FNIP2: variants seen among roughly 807,000 people sequenced by gnomAD.
FNIP2 encodes folliculin interacting protein 2, also known as folliculin-interacting protein 2.
A neutral mutation model predicts 108.7 loss-of-function variants in FNIP2; 32 were observed. The ratio of observed to expected loss-of-function variants is 0.29; its 90% confidence interval spans 0.22 to 0.40. The LOEUF is 0.40. Among genes scored for constraint, FNIP2 ranks in the 10% least tolerant of loss-of-function variants. FNIP2 has a pLI of 1.00. For synonymous variants in FNIP2, 480 were observed against 496.7 expected (o/e 0.97, Z 0.45); for missense variants, 1,202 against 1,381.6 (o/e 0.87, Z 2.06).
intron 6 of FNIP2, chr4:158,834,728 A>G (rs571220414): frequency 1.3e-5 from 2 of 152,350 alleles, no homozygotes; most frequent in South Asian, 2.1e-4. Context: ...CACAATAAGT[A>G]TACAGCTTAG....
rs1729938818 is a variant in FNIP2, at chr4:158,907,472, T to C, written c.*2928T>C. 2 of 152,210 alleles carry C rather than the reference T, an allele frequency of 1.3e-5. No individual in the cohort carries two copies. Among genetic ancestry groups the C allele is most frequent in the Non-Finnish European group, 2.9e-5 (2 of 68,036 alleles). 9.4% of individuals were successfully genotyped at this position (152,210 alleles called of 1,614,324 possible). A position where few individuals can be genotyped will look rare whatever the true frequency, so the allele number is the denominator to read the frequency against. The stretch of plus-strand genomic sequence containing the variant: ...CCGCTTGCTAAATGATACTAAACCG[T>C]TGTTTGGGCTCTTATAATTAGGTCC... On this transcript the variant is annotated 3_prime_UTR_variant, in exon 17 of 17. Transcript: ENST00000264433.
intron 1 of FNIP2, among the ~76,000 whole-genome samples, chr4:158,822,782 G>A (rs1777955106): frequency 6.6e-6 from 1 of 152,158 alleles, no homozygotes; most frequent in Non-Finnish European, 1.5e-5. Flanking sequence ...TTACAGGTAC[G>A]AGCCACTGTG....
At chr4:158,856,513 C>G (rs1235649983) in intron 8 of FNIP2, among the ~76,000 whole-genome samples, 2 of 152,106 alleles carry the variant, frequency 1.3e-5, no homozygotes, top group Non-Finnish European at 2.9e-5. Context: ...GCAGCCTTTC[C>G]TTGACTCTCA....
intron 1 of FNIP2, among the ~76,000 whole-genome samples, chr4:158,783,605 CT>C (rs1447949813): frequency 6.6e-6 from 1 of 152,170 alleles, no homozygotes; most frequent in African/African-American, 2.4e-5. Context: ...CAGGCTTGAT[CT>C]TTTTTTCTTT....
At chr4:158,835,918 C>A (rs890981569) in intron 7 of FNIP2, 7 of 152,882 alleles carry the variant, frequency 4.6e-5, no homozygotes, top group African/African-American at 1.7e-4. Context: ...GTACCCTTCT[C>A]TCCTTGCCTC....
chr4:158,810,531 A>G (rs1170105591), intron 1 of FNIP2, among the ~76,000 whole-genome samples: 1 of 152,206 alleles, frequency 6.6e-6, no homozygotes, highest in Non-Finnish European at 1.5e-5. Flanking sequence ...GACTGATAAG[A>G]GTGAATGAAT....
At chr4:158,850,282 T>G (rs1235064419) in intron 7 of FNIP2, among the ~76,000 whole-genome samples, 2 of 152,188 alleles carry the variant, frequency 1.3e-5, no homozygotes, top group Non-Finnish European at 2.9e-5. Flanking sequence ...GCACCCTATT[T>G]TATTTTCCAC....
In FNIP2 at chr4:158,877,982, T is replaced by A. The variant is rs1421356857; in HGVS notation, c.2949+7513T>A. ...ACCCACCGACCAGCCAAAAAAAAGA[T>A]CTGAGGTAGGAGGATTCCAGCAACA... is the stretch of plus-strand genomic sequence containing the variant. On this transcript the variant is annotated intron_variant, in intron 14 of 16. Transcript: ENST00000264433. Among the ~76,000 whole-genome samples the A allele has an allele frequency of 2.1e-5, 3 of 143,568 alleles. No individual in the cohort carries two copies. In the East Asian group the frequency reaches 6.3e-4, roughly 30 times the overall value. The allele number at this position is 143,568 out of a possible 152,430, so 94.2% of individuals were successfully genotyped here.
In FNIP2 at chr4:158,831,956, C is replaced by T; in HGVS notation, c.477C>T (p.Tyr159=). 13 of 1,609,148 alleles carry T rather than the reference C, an allele frequency of 8.1e-6. No homozygotes were observed. The highest frequency in any genetic ancestry group is 1.0e-5 in the Non-Finnish European group (12 of 1,176,690). The change falls in exon 4 of 17, where the codon TAC becomes TAT. Residue 159 remains tyrosine, a synonymous_variant. Coordinates refer to ENST00000264433, the MANE Select transcript of FNIP2 (RefSeq NM_020840.3). ...AAGGCTCCACCTTAAAGATACACTA[C>T]ATACGGTGAGTCTGGGCTTCCTTTT... The part of the protein sequence containing the change: ...SYKGSTLKIH[Y]IRSPPQLMIS...
In FNIP2 at chr4:158,868,653, G is replaced by A. The variant is rs938348425; in HGVS notation, c.2017G>A (p.Ala673Thr). The change falls in exon 13 of 17, where the codon GCA (alanine) becomes ACA (threonine). Residue 673 changes from alanine (A) to threonine (T), a missense_variant. Coordinates refer to ENST00000264433, the MANE Select transcript of FNIP2 (RefSeq NM_020840.3). This position sits in a 1 kb window ranked among gnomAD's most constrained non-coding sequence, Gnocchi z 4.6. ...ACTTCCCAGCTGTGAAGTTTTGGGG[G>A]CAGGAATGAAGATGGACCAGCAAGC... ...SRLPSCEVLG[A>T]GMKMDQQAVC... is the part of the protein sequence containing the mutation. 1.3e-5 allele frequency: 21 copies of A among 1,613,890 alleles called. No individual in the cohort carries two copies. Among genetic ancestry groups the A allele is most frequent in the Non-Finnish European group, 1.4e-5 (16 of 1,179,912 alleles).
intron 3 of FNIP2, among the ~76,000 whole-genome samples, chr4:158,830,452 C>T (rs1291939917): frequency 5.9e-5 from 9 of 151,320 alleles, no homozygotes; most frequent in South Asian, 2.1e-4. Context: ...TTAGTAGAGA[C>T]GGGGTTTCAC....
chr4:158,822,497 T>C (rs1777940150), intron 1 of FNIP2, among the ~76,000 whole-genome samples: 1 of 152,158 alleles, frequency 6.6e-6, no homozygotes, highest in Admixed American at 6.5e-5. Context: ...TTTGTTTTTG[T>C]TTGTTTGTTT....
At chr4:158,853,940 GTCC>G (rs1480774263) in intron 8 of FNIP2, among the ~76,000 whole-genome samples, 1 of 152,110 alleles carries the variant, frequency 6.6e-6, no homozygotes, top group Non-Finnish European at 1.5e-5. Context: ...CTATCACTGT[GTCC>G]TCAATTACAA....
chr4:158,868,769 A>G lies in FNIP2; in HGVS notation c.2133A>G (p.Lys711=), dbSNP rs1780744017. The change falls in exon 13 of 17, where the codon AAA becomes AAG. Residue 711 remains lysine (K), a synonymous_variant. Coordinates refer to ENST00000264433, the MANE Select transcript of FNIP2 (RefSeq NM_020840.3). The surrounding 1 kb of genome is among the most constrained non-coding windows in gnomAD (Gnocchi z 4.6). ...WPCPDRHLRE[K]PSLEKVTFQI... ...GCCCTGACAGACATCTCCGGGAGAA[A>G]CCTTCCTTAGAAAAGGTCACTTTCC... 2 of 1,613,586 alleles carry G rather than the reference A, an allele frequency of 1.2e-6. No homozygotes were observed. The highest frequency in any genetic ancestry group is 1.7e-5 in the Admixed American group (1 of 59,988).
chr4:158,904,399 GAAATAATACTTTCTCATAAAACC>G, intron 16 of FNIP2, 44 bp from the exon 17 acceptor site: 1 of 1,373,284 alleles, frequency 7.3e-7, no homozygotes, highest in Non-Finnish European at 1.0e-6. Flanking sequence ...CTCATAAAAA[GAAATAATACTTTCTCATAAAACC>G]ATGCTCTTTT....
chr4:158,894,727 G>A lies in FNIP2; in HGVS notation c.3151-1023G>A, dbSNP rs192930001. On this transcript the variant is annotated intron_variant, in intron 15 of 16. Transcript: ENST00000264433. The stretch of plus-strand genomic sequence containing the variant: ...TTTACCACCTTGTTTACTTGGAGGA[G>A]CATTTCCATGAGAATTGGTGAAATC... Among the ~76,000 whole-genome samples the A allele has an allele frequency of 8.3e-4, 126 of 152,278 alleles. 2 individuals carry two copies. The East Asian group carries it at 0.017, about 20-fold the overall frequency.
intron 1 of FNIP2, among the ~76,000 whole-genome samples, chr4:158,822,504 G>A (rs1007163805): frequency 2.2e-4 from 33 of 152,164 alleles, no homozygotes; most frequent in Admixed American, 7.9e-4. Context: ...TTGTTTGTTT[G>A]TTTAACAGAC....
At chr4:158,823,745 C>T (rs1405190051) in intron 1 of FNIP2, among the ~76,000 whole-genome samples, 1 of 152,096 alleles carries the variant, frequency 6.6e-6, no homozygotes, top group Non-Finnish European at 1.5e-5. Flanking sequence ...TTCATGATGG[C>T]AAAAATAGCC....
chr4:158,870,174 A>T, intron 13 of FNIP2, 139 bp from the exon 14 acceptor site: 1 of 838,110 alleles, frequency 1.2e-6, no homozygotes, highest in Non-Finnish European at 1.8e-6. Flanking sequence ...CCTGTGATCC[A>T]CTTACTTGAG....
Sources: allele counts gnomAD v4.1 joint callset (sites outside exome capture counted in the v4.1 genomes callset), GRCh38; gene constraint gnomAD v4.1.1; non-coding constraint Gnocchi (gnomAD v3.1); transcripts MANE v1.5; gene names NCBI Gene and HGNC (gene_info 2026-07-23, HGNC 2026-07-21).